ADIPOQ: variants seen among roughly 807,000 people sequenced by gnomAD.
The protein encoded by ADIPOQ is adiponectin, C1Q and collagen domain containing, also known as adiponectin.
A neutral mutation model predicts 16.1 loss-of-function variants in ADIPOQ; 19 were observed. The ratio of observed to expected loss-of-function variants is 1.18; its 90% confidence interval spans 0.82 to 1.73. ADIPOQ has a LOEUF of 1.73. Among genes scored for constraint, ADIPOQ ranks in the 40% most tolerant of loss-of-function variants. ADIPOQ has a pLI of 0.00. For missense variants in ADIPOQ, 323 were observed against 308.3 expected (o/e 1.05, Z -0.36); for synonymous variants, 124 against 125.5 (o/e 0.99, Z 0.08).
chr3:186,848,187 A>T (rs78319317), intron 1 of ADIPOQ, among the ~76,000 whole-genome samples: 5,532 of 131,826 alleles, frequency 0.042, 568 homozygotes, highest in African/African-American at 0.15. Flanking sequence ...ACAAAAAAAA[A>T]AGAGAGAGAG....
At chr3:186,853,373 C>A in intron 2 of ADIPOQ, 101 bp downstream of exon 2, 1 of 1,430,182 alleles carries the variant, frequency 7.0e-7, no homozygotes, top group Non-Finnish European at 9.6e-7. Context: ...AGGGAGAAAG[C>A]AAAGCTTTTT....
chr3:186,849,088 G>A (rs822396), intron 1 of ADIPOQ, among the ~76,000 whole-genome samples: 123,746 of 152,116 alleles, frequency 0.81, 50,365 homozygotes, highest in East Asian at 0.89. Flanking sequence ...CTTTATTTTT[G>A]ACAAAGGGGG....
rs757780327 is a variant in ADIPOQ at position 186,854,570 on chromosome 3, G to A, written c.601G>A (p.Val201Met). ...TAATGTGGACCAGGCCTCCGGCTCTGTGCTCCTGCATCTGGAGGTGGGCGA... is the reference window on the plus strand; with the variant it reads ...TAATGTGGACCAGGCCTCCGGCTCTATGCTCCTGCATCTGGAGGTGGGCGA... ...ENNVDQASGSVLLHLEVGDQV... is the reference protein window; with the variant it reads ...ENNVDQASGSMLLHLEVGDQV... The change falls in exon 3 of 3, where the codon GTG becomes ATG. Residue 201 changes from valine (V) to methionine (M), a missense_variant. By Grantham distance (21) the Val-to-Met change is conservative. Transcript: ENST00000320741. 3.1e-6 allele frequency: 5 copies of A among 1,613,954 alleles called. No individual in the cohort carries two copies. The African/African-American group carries it at 5.3e-5, about 17-fold the overall frequency.
intron 1 of ADIPOQ, among the ~76,000 whole-genome samples, chr3:186,850,271 CAA>C (rs71634014): frequency 3.8e-4 from 34 of 88,716 alleles, no homozygotes; most frequent in African/African-American, 1.1e-3. Flanking sequence ...TCCTCTCTCT[CAA>C]AAAAAAAAAA....
Position 186,854,639 on chromosome 3 carries a change from C to A in ADIPOQ, c.670C>A (p.Leu224Ile), listed in dbSNP as rs1042512146. Residue 224 changes from leucine to isoleucine, a missense_variant, in exon 3 of 3, where the codon CTC (leucine) becomes ATC (isoleucine). Leu to Ile is a conservative substitution (Grantham distance 5). Transcript: ENST00000320741. ...GTATGGGGAAGGAGAGCGTAATGGA[C>A]TCTATGCTGATAATGACAATGACTC... ...QVYGEGERNGLYADNDNDSTF... is the reference protein window; with the variant it reads ...QVYGEGERNGIYADNDNDSTF... The A allele has an allele frequency of 1.2e-6, 2 of 1,614,184 alleles. No homozygotes were observed. The highest frequency in any genetic ancestry group is 1.7e-6 in the Non-Finnish European group (2 of 1,180,036).
chr3:186,844,321 T>C (rs985028382), intron 1 of ADIPOQ, among the ~76,000 whole-genome samples: 3 of 152,090 alleles, frequency 2.0e-5, no homozygotes, highest in African/African-American at 7.2e-5. Context: ...CTAATTTTTA[T>C]ATTTTTAGTA....
chr3:186,849,314 C>T (rs757387311), intron 1 of ADIPOQ, among the ~76,000 whole-genome samples: 1 of 152,104 alleles, frequency 6.6e-6, no homozygotes, highest in Non-Finnish European at 1.5e-5. Flanking sequence ...ATTGCCAAAG[C>T]CATAATAAGA....
chr3:186,853,618 C>A (rs1413008035), intron 2 of ADIPOQ, among the ~76,000 whole-genome samples: 1 of 152,178 alleles, frequency 6.6e-6, no homozygotes, highest in Non-Finnish European at 1.5e-5. Context: ...TGCACACCCC[C>A]TGAAAGGCTC....
chr3:186,847,835 T>C (rs1026883325), intron 1 of ADIPOQ, among the ~76,000 whole-genome samples: 2 of 152,234 alleles, frequency 1.3e-5, no homozygotes, highest in African/African-American at 4.8e-5. Context: ...TTTTAGATCA[T>C]AGTACTCACT....
intron 1 of ADIPOQ, among the ~76,000 whole-genome samples, chr3:186,848,201 AGAAGGAAG>A (rs373987417): frequency 9.0e-5 from 12 of 132,608 alleles, no homozygotes; most frequent in African/African-American, 1.7e-4. Flanking sequence ...GAGAGAGAAA[AGAAGGAAG>A]GAAGGAAGGA....
intron 1 of ADIPOQ, among the ~76,000 whole-genome samples, chr3:186,845,021 T>C (rs1348635083): frequency 6.6e-6 from 1 of 152,100 alleles, no homozygotes; most frequent in Non-Finnish European, 1.5e-5. Context: ...CGTGGGATGC[T>C]CTGTTTTATT....
In ADIPOQ at chr3:186,858,397, G is replaced by A. The variant is rs1712091873; in HGVS notation, c.*3693G>A. The A allele has an allele frequency of 7.0e-6, 1 of 142,804 alleles. No homozygotes were observed. The highest frequency in any genetic ancestry group is 6.8e-5 in the Admixed American group (1 of 14,648). 8.8% of individuals were successfully genotyped at this position (142,804 alleles called of 1,614,324 possible). The stretch of plus-strand genomic sequence containing the variant: ...TGTAGTTGGGTATAATTTTTATCCA[G>A]TCTAAAAATATCTGTCTTTTAATTG... On this transcript the variant is annotated 3_prime_UTR_variant, in exon 3 of 3. Coordinates refer to ENST00000320741, the MANE Select transcript of ADIPOQ (RefSeq NM_004797.4).
chr3:186,845,947 G>T (rs762617331), intron 1 of ADIPOQ, among the ~76,000 whole-genome samples: 6 of 152,080 alleles, frequency 3.9e-5, no homozygotes, highest in African/African-American at 1.4e-4. Context: ...GTGCTTTTTC[G>T]GAGGCACCGT....
rs1404976432 is a variant in ADIPOQ at position 186,856,456 on chromosome 3, G to T, written c.*1752G>T. The T allele has an allele frequency of 6.6e-6, 1 of 152,022 alleles. No homozygotes were observed. The highest frequency in any genetic ancestry group is 2.4e-5 in the African/African-American group (1 of 41,378). The allele number at this position is 152,022 out of a possible 1,614,324, so 9.4% of individuals were successfully genotyped here. Reference sequence around the variant, plus strand: ...ACATATAAAGCTTTGTCTTTTTGTTGTTGTTGTTGTTTTTAAGATGGAGTT... The same window carrying T: ...ACATATAAAGCTTTGTCTTTTTGTTTTTGTTGTTGTTTTTAAGATGGAGTT... On this transcript the variant is annotated 3_prime_UTR_variant, in exon 3 of 3. Transcript: ENST00000320741.
Position 186,854,660 on chromosome 3 carries a change from G to A in ADIPOQ, c.691G>A (p.Asp231Asn). Residue 231 changes from aspartate (D) to asparagine (N), a missense_variant, in exon 3 of 3, where the codon GAC becomes AAC. By Grantham distance (23) the Asp-to-Asn change is conservative. Coordinates refer to ENST00000320741, the MANE Select transcript of ADIPOQ (RefSeq NM_004797.4). ...RNGLYADNDN[D>N]STFTGFLLYH... is the part of the protein sequence containing the mutation. ...TGGACTCTATGCTGATAATGACAAT[G>A]ACTCCACCTTCACAGGCTTTCTTCT... 1.2e-6 allele frequency: 2 copies of A among 1,614,132 alleles called. No individual in the cohort carries two copies. Among genetic ancestry groups the A allele is most frequent in the Non-Finnish European group, 1.7e-6 (2 of 1,180,034 alleles).
At chr3:186,854,052 G>A in intron 2 of ADIPOQ, 132 bp from the exon 3 acceptor site, 2 of 912,132 alleles carry the variant, frequency 2.2e-6, no homozygotes, top group Non-Finnish European at 3.3e-6. Flanking sequence ...CCTTTTGGGA[G>A]CTCTTATTGG....
intron 1 of ADIPOQ, chr3:186,845,630 C>G (rs1163034135): frequency 6.6e-6 from 1 of 152,164 alleles, no homozygotes; most frequent in Admixed American, 6.6e-5. Flanking sequence ...CCTCAGCCTC[C>G]CAAAGTGCTG....
chr3:186,843,660 C>CAAAA, intron 1 of ADIPOQ, among the ~76,000 whole-genome samples: 1 of 126,736 alleles, frequency 7.9e-6, no homozygotes, highest in Admixed American at 8.1e-5. Context: ...GACTTTGTGT[C>CAAAA]AAAAAAAAAA....
chr3:186,847,888 C>T (rs1429798453), intron 1 of ADIPOQ, among the ~76,000 whole-genome samples: 1 of 152,014 alleles, frequency 6.6e-6, no homozygotes, highest in African/African-American at 2.4e-5. Context: ...TACAGTGTAA[C>T]AGGCCGGGCG....
Sources: gnomAD v4.1 joint callset for allele counts (sites outside exome capture counted in the v4.1 genomes callset) on GRCh38, gnomAD v4.1.1 for gene constraint, MANE v1.5 for transcripts, NCBI Gene and HGNC (gene_info 2026-07-23, HGNC 2026-07-21) for gene names.